PEX5L: variants seen among roughly 807,000 people sequenced by gnomAD.
PEX5L encodes peroxisomal biogenesis factor 5 like.
In PEX5L, 30 loss-of-function variants were observed where a neutral mutation model predicts 84.0. The observed-to-expected ratio is 0.36, with a 90% CI of 0.27 to 0.48. The LOEUF is 0.48. Ranked by LOEUF, PEX5L falls within the 20% of genes least tolerant of loss-of-function variation. The pLI, the probability that PEX5L is intolerant of heterozygous loss-of-function variation, is 0.99. For synonymous variants in PEX5L, 270 were observed against 283.1 expected, an observed-to-expected ratio of 0.95 and a Z score of 0.46; for missense variants, 533 against 754.6, an observed-to-expected ratio of 0.71 and a Z score of 3.44.
At chr3:180,023,711 T>TA (rs1790626979) in intron 1 of PEX5L, among the ~76,000 whole-genome samples, 1 of 151,898 alleles carries the variant, frequency 6.6e-6, no homozygotes, top group Admixed American at 6.6e-5. Flanking sequence ...ATATATTTGG[T>TA]AAAATAGAGC....
At chr3:179,903,796 A>G (rs1280300738) in intron 2 of PEX5L, among the ~76,000 whole-genome samples, 1 of 152,174 alleles carries the variant, frequency 6.6e-6, no homozygotes, top group African/African-American at 2.4e-5. Context: ...ATTTCTTCCA[A>G]CACAAATTAG....
chr3:180,018,177 A>G (rs978218906), intron 1 of PEX5L, among the ~76,000 whole-genome samples: 7 of 152,198 alleles, frequency 4.6e-5, no homozygotes, highest in African/African-American at 1.7e-4. Context: ...ATCTATTAAT[A>G]TATACCATAT....
At chr3:180,018,884 T>C (rs528527683) in intron 1 of PEX5L, among the ~76,000 whole-genome samples, 1 of 152,240 alleles carries the variant, frequency 6.6e-6, no homozygotes, top group Non-Finnish European at 1.5e-5. Flanking sequence ...TTTTTTGTTG[T>C]TGTTGTTGTT....
intron 1 of PEX5L, chr3:179,974,156 G>C: frequency 1.0e-6 from 1 of 985,422 alleles, no homozygotes; most frequent in Non-Finnish European, 1.2e-6. Context: ...ATGCACTTTT[G>C]TCAAGCACAA....
At chr3:179,990,038 G>A (rs1787237852) in intron 1 of PEX5L, among the ~76,000 whole-genome samples, 1 of 152,206 alleles carries the variant, frequency 6.6e-6, no homozygotes, top group Non-Finnish European at 1.5e-5. Context: ...AGGTACAGAT[G>A]ATAGTGCTTA....
In PEX5L at chr3:179,935,551, T is replaced by C. The variant is rs190313210; in HGVS notation, c.93+36043A>G. On this transcript the variant is annotated intron_variant, in intron 2 of 14. Transcript: ENST00000467460. ...TTGTATTTTTCTGTTGTTTATTTTC[T>C]ACTATGAGCATATATCACTTTAATA... Among the ~76,000 whole-genome samples the C allele has an allele frequency of 5.3e-5, 8 of 152,352 alleles. No homozygotes were observed. In the East Asian group the frequency reaches 1.5e-3, roughly 29 times the overall value.
intron 2 of PEX5L, among the ~76,000 whole-genome samples, chr3:179,963,146 T>C (rs1287980556): frequency 6.6e-6 from 1 of 152,200 alleles, no homozygotes; most frequent in East Asian, 1.9e-4. Context: ...TGTGAGTTAG[T>C]TGCATTACTG....
intron 14 of PEX5L, among the ~76,000 whole-genome samples, chr3:179,806,257 A>G (rs1721267717): frequency 6.6e-6 from 1 of 152,222 alleles, no homozygotes; most frequent in Non-Finnish European, 1.5e-5. Flanking sequence ...GTTAGGATAC[A>G]AAATAGACAT....
chr3:179,900,295 T>G (rs1760853187), intron 2 of PEX5L, among the ~76,000 whole-genome samples: 1 of 152,174 alleles, frequency 6.6e-6, no homozygotes, highest in Admixed American at 6.5e-5. Flanking sequence ...TATATTTCAA[T>G]TCCTATTATA....
intron 9 of PEX5L, among the ~76,000 whole-genome samples, chr3:179,818,862 T>A (rs1028525226): frequency 6.7e-6 from 1 of 149,100 alleles, no homozygotes; most frequent in Non-Finnish European, 1.5e-5. Context: ...TTTTTTTTTT[T>A]AAGACAGGGT....
At chr3:179,985,610 A>G (rs1368004777) in intron 1 of PEX5L, among the ~76,000 whole-genome samples, 1 of 152,022 alleles carries the variant, frequency 6.6e-6, no homozygotes, top group Non-Finnish European at 1.5e-5. Flanking sequence ...TGCTGGAGCC[A>G]TATAAAAACC....
At chr3:179,893,664 T>A (rs759371623) in intron 3 of PEX5L, among the ~76,000 whole-genome samples, 1 of 152,138 alleles carries the variant, frequency 6.6e-6, no homozygotes, top group Non-Finnish European at 1.5e-5. Flanking sequence ...AGATTGATGA[T>A]CTTGAATTGT....
intron 1 of PEX5L, among the ~76,000 whole-genome samples, chr3:179,991,754 A>G (rs1034214646): frequency 6.6e-6 from 1 of 152,136 alleles, no homozygotes. Flanking sequence ...CTGTCTAAAT[A>G]ATTTCTAACA....
intron 13 of PEX5L, 51 bp downstream of exon 13, chr3:179,808,221 T>C (rs778331280): frequency 1.4e-6 from 2 of 1,457,780 alleles, no homozygotes; most frequent in Non-Finnish European, 1.8e-6. Context: ...CTGTGAAAAC[T>C]TATTTGTTAC....
chr3:180,026,469 C>T (rs913681706), intron 1 of PEX5L, among the ~76,000 whole-genome samples: 2 of 151,998 alleles, frequency 1.3e-5, no homozygotes, highest in Non-Finnish European at 2.9e-5. Context: ...AGTAAATTCC[C>T]GCACATGGAG....
At chr3:179,905,578 T>C (rs999350419) in intron 2 of PEX5L, among the ~76,000 whole-genome samples, 2 of 152,132 alleles carry the variant, frequency 1.3e-5, no homozygotes, top group Admixed American at 6.5e-5. Context: ...CCTTTTTTTG[T>C]GGTGGTTGTT....
At chr3:179,934,417 T>G (rs910430527) in intron 2 of PEX5L, among the ~76,000 whole-genome samples, 4 of 152,206 alleles carry the variant, frequency 2.6e-5, no homozygotes, top group African/African-American at 9.6e-5. Context: ...TTATGTACCA[T>G]GCACTAAGAA....
At chr3:179,806,084 TTA>T (rs777212190) in intron 14 of PEX5L, among the ~76,000 whole-genome samples, 7 of 150,564 alleles carry the variant, frequency 4.6e-5, no homozygotes, top group African/African-American at 7.3e-5. Flanking sequence ...ATTATATGTT[TTA>T]TATATATATA....
intron 1 of PEX5L, among the ~76,000 whole-genome samples, chr3:180,019,621 C>T (rs1172059429): frequency 6.6e-6 from 1 of 152,140 alleles, no homozygotes; most frequent in Admixed American, 6.5e-5. Context: ...AGGCAATTCA[C>T]AATTCTGCAT....
Sources: gnomAD v4.1 joint callset for allele counts (sites outside exome capture counted in the v4.1 genomes callset) on GRCh38, gnomAD v4.1.1 for gene constraint, MANE v1.5 for transcripts, NCBI Gene and HGNC (gene_info 2026-07-23, HGNC 2026-07-21) for gene names.